AP3B1: variants seen among roughly 807,000 people sequenced by gnomAD.
The protein encoded by AP3B1 is AP-3 complex subunit beta-1.
AP3B1 carries 61 observed loss-of-function variants against 132.5 expected under a neutral mutation model. The observed-to-expected ratio is 0.46, with a 90% CI of 0.37 to 0.57. The LOEUF (loss-of-function observed/expected upper bound fraction) is 0.57, where lower values mean the gene tolerates loss of function less well. Among genes scored for constraint, AP3B1 ranks in the 20% least tolerant of loss-of-function variants. AP3B1 has a pLI of 0.00. For missense variants in AP3B1, 1,120 were observed against 1,289.4 expected (o/e 0.87, Z 2.01); for synonymous variants, 388 against 438.3 (o/e 0.89, Z 1.43).
chr5:78,000,664 A>C (rs1269618896), downstream of AP3B1: 1 of 152,212 alleles, frequency 6.6e-6, no homozygotes, highest in Non-Finnish European at 1.5e-5. Context: ...ATACTATGAG[A>C]GCCATTCTTC....
intron 14 of AP3B1, among the ~76,000 whole-genome samples, chr5:78,144,087 A>AC (rs1465297861): frequency 1.3e-5 from 2 of 152,180 alleles, no homozygotes; most frequent in African/African-American, 4.8e-5. Context: ...ACTGAAATAA[A>AC]ACCAAACTAA....
chr5:78,220,043 T>C (rs998342306), intron 6 of AP3B1, among the ~76,000 whole-genome samples: 1 of 152,078 alleles, frequency 6.6e-6, no homozygotes, highest in African/African-American at 2.4e-5. Flanking sequence ...TGATTTTAAA[T>C]GCCAATGCTG....
intron 5 of AP3B1, among the ~76,000 whole-genome samples, chr5:78,226,195 T>C (rs1312352372): frequency 6.6e-6 from 1 of 152,018 alleles, no homozygotes; most frequent in African/African-American, 2.4e-5. Context: ...TGGTGCCCAA[T>C]GATAGAAGGA....
intron 1 of AP3B1, among the ~76,000 whole-genome samples, chr5:78,289,706 T>C (rs1011934310): frequency 2.6e-5 from 4 of 152,154 alleles, no homozygotes; most frequent in African/African-American, 4.8e-5. Context: ...TCCTGTGTTT[T>C]CCCACCCTTC....
chr5:78,198,960 T>A (rs1180159968), intron 7 of AP3B1, among the ~76,000 whole-genome samples: 1 of 152,244 alleles, frequency 6.6e-6, no homozygotes, highest in East Asian at 1.9e-4. Flanking sequence ...AGGATATGCA[T>A]ACTGGTTTGA....
chr5:78,284,779 G>T (rs1476578745), intron 1 of AP3B1, among the ~76,000 whole-genome samples: 2 of 152,116 alleles, frequency 1.3e-5, no homozygotes, highest in African/African-American at 4.8e-5. Flanking sequence ...GGGGATATCA[G>T]CAATTCTCCA....
intron 20 of AP3B1, chr5:78,101,318 A>C (rs941947575): frequency 2.2e-6 from 1 of 459,880 alleles, no homozygotes; most frequent in Non-Finnish European, 4.2e-6. Flanking sequence ...TCTTGCTAAC[A>C]TAAAAACGTA....
At chr5:78,273,637 C>T (rs137981963) in intron 1 of AP3B1, among the ~76,000 whole-genome samples, 9 of 152,206 alleles carry the variant, frequency 5.9e-5, no homozygotes, top group South Asian at 2.1e-4. Flanking sequence ...GCTGCAATTC[C>T]TAAGGCAAGA....
intron 20 of AP3B1, among the ~76,000 whole-genome samples, chr5:78,107,435 C>T (rs1311650839): frequency 2.0e-5 from 3 of 152,104 alleles, no homozygotes; most frequent in African/African-American, 7.2e-5. Context: ...TCACTCCATG[C>T]TCCCTCTCTC....
intron 2 of AP3B1, 62 bp downstream of exon 2, chr5:78,267,458 T>A: frequency 1.2e-6 from 1 of 818,754 alleles, no homozygotes; most frequent in Non-Finnish European, 2.0e-6. Flanking sequence ...TATATATATA[T>A]AATAATATGA....
At chr5:78,208,116 A>G (rs542749601) in intron 7 of AP3B1, among the ~76,000 whole-genome samples, 1 of 152,184 alleles carries the variant, frequency 6.6e-6, no homozygotes, top group Non-Finnish European at 1.5e-5. Flanking sequence ...AGAGAGAAGA[A>G]GAAAGCCTAA....
At chr5:78,088,040 C>T (rs1004100535) in intron 22 of AP3B1, among the ~76,000 whole-genome samples, 1 of 152,176 alleles carries the variant, frequency 6.6e-6, no homozygotes, top group African/African-American at 2.4e-5. Flanking sequence ...GGTTTGCACC[C>T]TGGACATCTG....
intron 26 of AP3B1, among the ~76,000 whole-genome samples, chr5:78,011,969 C>A (rs1746643184): frequency 2.0e-5 from 3 of 152,024 alleles, no homozygotes; most frequent in Admixed American, 2.0e-4. Flanking sequence ...AAATTTTAAT[C>A]TCTTAAAATA....
intron 2 of AP3B1, among the ~76,000 whole-genome samples, chr5:78,247,909 C>T (rs1747444827): frequency 6.6e-6 from 1 of 152,148 alleles, no homozygotes; most frequent in African/African-American, 2.4e-5. Flanking sequence ...TGTTCTCCTA[C>T]TTCCTCTTTT....
At chr5:78,076,287 G>T (rs576425436) in intron 22 of AP3B1, among the ~76,000 whole-genome samples, 66 of 152,138 alleles carry the variant, frequency 4.3e-4, no homozygotes, top group Non-Finnish European at 8.7e-4. Context: ...TTCCCATCTT[G>T]TTTACCACTA....
intron 15 of AP3B1, among the ~76,000 whole-genome samples, chr5:78,131,779 T>C (rs1752698717): frequency 6.6e-6 from 1 of 152,140 alleles, no homozygotes; most frequent in Non-Finnish European, 1.5e-5. Context: ...CCCTTGCCTG[T>C]ACAGGGAAAA....
intron 2 of AP3B1, 146 bp from the exon 3 acceptor site, chr5:78,241,082 C>A (rs2112518919): frequency 1.7e-6 from 1 of 605,574 alleles, no homozygotes; most frequent in South Asian, 2.3e-5. Context: ...ATAATAAACA[C>A]TATCTTGTAC....
intron 22 of AP3B1, among the ~76,000 whole-genome samples, chr5:78,069,783 G>A (rs924915283): frequency 3.3e-5 from 5 of 152,182 alleles, no homozygotes; most frequent in East Asian, 1.9e-4. Context: ...AAAAGAGCCC[G>A]TATAGCCAAG....
intron 7 of AP3B1, among the ~76,000 whole-genome samples, chr5:78,213,985 GCA>G (rs1657680195): frequency 6.6e-6 from 1 of 152,218 alleles, no homozygotes; most frequent in Non-Finnish European, 1.5e-5. Context: ...CCAAAAAGCT[GCA>G]CAGTCTAGAG....
Sources: gnomAD v4.1 joint callset for allele counts (sites outside exome capture counted in the v4.1 genomes callset) on GRCh38, gnomAD v4.1.1 for gene constraint, MANE v1.5 for transcripts, NCBI Gene and HGNC (gene_info 2026-07-23, HGNC 2026-07-21) for gene names.